The following NRG1 variants were observed in gnomAD, a reference collection of about 807,000 sequenced individuals.
NRG1 encodes the protein neuregulin 1.
NRG1 carries 18 observed loss-of-function variants against 63.8 expected under a neutral mutation model. The ratio of observed to expected loss-of-function variants is 0.28; its 90% CI spans 0.19 to 0.42. The LOEUF (loss-of-function observed/expected upper bound fraction) is 0.42. Among genes scored for constraint, NRG1 ranks in the 10% least tolerant of loss-of-function variants. The pLI is 1.00. For missense variants in NRG1, 762 were observed against 814.7 expected, an observed-to-expected ratio of 0.94 and a Z score of 0.79; for synonymous variants, 302 against 301.3, an observed-to-expected ratio of 1.00 and a Z score of -0.02.
intron 5 of NRG1, among the ~76,000 whole-genome samples, chr8:32,637,803 T>C (rs973244752): frequency 6.6e-6 from 1 of 152,206 alleles, no homozygotes; most frequent in Non-Finnish European, 1.5e-5. Context: ...GTGTGCTCCC[T>C]TAGTTTGACA....
chr8:32,000,352 C>A (rs1812719185), intron 1 of NRG1, among the ~76,000 whole-genome samples: 1 of 151,846 alleles, frequency 6.6e-6, no homozygotes, highest in Admixed American at 6.6e-5. Flanking sequence ...GAAATAGAAC[C>A]TCAACATCTT....
intron 1 of NRG1, among the ~76,000 whole-genome samples, chr8:32,436,980 A>G (rs1243656747): frequency 3.3e-5 from 5 of 151,876 alleles, no homozygotes; most frequent in African/African-American, 1.2e-4. Flanking sequence ...AACTCTCCCA[A>G]TGTTTCCTGG....
chr8:31,997,826 T>A (rs372482246), intron 1 of NRG1, among the ~76,000 whole-genome samples: 8 of 152,014 alleles, frequency 5.3e-5, no homozygotes, highest in African/African-American at 1.9e-4. Flanking sequence ...TGTTACCTAA[T>A]TCAATCCTTG....
intron 1 of NRG1, among the ~76,000 whole-genome samples, chr8:32,131,404 A>G (rs892609337): frequency 1.3e-5 from 2 of 151,994 alleles, no homozygotes; most frequent in African/African-American, 2.4e-5. Context: ...TTTAAACTGC[A>G]GGGCAGAGAG....
intron 5 of NRG1, among the ~76,000 whole-genome samples, chr8:32,619,396 C>T (rs556751298): frequency 6.6e-6 from 1 of 152,230 alleles, no homozygotes; most frequent in East Asian, 1.9e-4. Context: ...ATGAGGGCCA[C>T]AGACCCTGGG....
At chr8:32,491,618 A>T (rs1826566979) in intron 1 of NRG1, among the ~76,000 whole-genome samples, 1 of 152,114 alleles carries the variant, frequency 6.6e-6, no homozygotes, top group Non-Finnish European at 1.5e-5. Flanking sequence ...TCTGGCTTAG[A>T]ATGGCTCCCC....
At chr8:32,511,339 G>A (rs987196463) in intron 1 of NRG1, among the ~76,000 whole-genome samples, 1 of 143,012 alleles carries the variant, frequency 7.0e-6, no homozygotes, top group African/African-American at 2.6e-5. Flanking sequence ...ATATGTGTGT[G>A]TGTGTGTCTG....
intron 1 of NRG1, among the ~76,000 whole-genome samples, chr8:31,727,408 C>G (rs570829090): frequency 6.6e-6 from 1 of 152,108 alleles, no homozygotes; most frequent in Non-Finnish European, 1.5e-5. Context: ...AATTTCTCAT[C>G]GTTCTGTGAT....
chr8:32,098,823 G>C (rs934277546), intron 1 of NRG1: 1 of 152,154 alleles, frequency 6.6e-6, no homozygotes, highest in Non-Finnish European at 1.5e-5. Context: ...TAGCACTGGG[G>C]CACAAAACCC....
intron 5 of NRG1, among the ~76,000 whole-genome samples, chr8:32,650,232 G>C (rs539143741): frequency 4.0e-5 from 6 of 151,640 alleles, no homozygotes; most frequent in Non-Finnish European, 5.9e-5. Context: ...TTTTCCCCAA[G>C]CCAGGGCATT....
rs574455025 is a variant in NRG1 at position 32,668,518 on chromosome 8, C to T, written c.502+51633C>T. On this transcript the variant is annotated intron_variant, in intron 5 of 11. Transcript: ENST00000356819. ...ATGAAGGCTCTTACTAGGGAGACTT[C>T]TGAGTTACTAGTTTCACCACACAGC... Among the ~76,000 whole-genome samples the T allele has an allele frequency of 1.2e-4, 19 of 152,280 alleles. No individual in the cohort carries two copies. The South Asian group carries it at 3.9e-3, about 32-fold the overall frequency.
intron 1 of NRG1, among the ~76,000 whole-genome samples, chr8:32,433,314 G>T (rs940354713): frequency 6.6e-6 from 1 of 152,138 alleles, no homozygotes; most frequent in Non-Finnish European, 1.5e-5. Flanking sequence ...TAGCAAAGAG[G>T]TGACAGAATC....
chr8:32,637,404 G>A (rs1563821940), intron 5 of NRG1, among the ~76,000 whole-genome samples: 1 of 152,088 alleles, frequency 6.6e-6, no homozygotes. Context: ...TATTTGGACC[G>A]AGGGTTTTCT....
intron 1 of NRG1, among the ~76,000 whole-genome samples, chr8:32,245,756 G>A (rs983877674): frequency 6.6e-5 from 10 of 152,080 alleles, no homozygotes; most frequent in African/African-American, 2.4e-4. Context: ...TCACTACATA[G>A]GGTTTCTTAT....
At chr8:32,692,848 G>A (rs936223151) in intron 5 of NRG1, among the ~76,000 whole-genome samples, 8 of 152,086 alleles carry the variant, frequency 5.3e-5, no homozygotes, top group South Asian at 2.1e-4. Context: ...CTTCTCTACC[G>A]CCACTCCTTC....
intron 1 of NRG1, among the ~76,000 whole-genome samples, chr8:31,829,287 C>T (rs1824878046): frequency 6.6e-6 from 1 of 152,212 alleles, no homozygotes; most frequent in South Asian, 2.1e-4. Context: ...GAGAGATTCA[C>T]TTCTGGCACC....
intron 1 of NRG1, among the ~76,000 whole-genome samples, chr8:32,274,444 G>A (rs902019330): frequency 6.6e-6 from 1 of 152,210 alleles, no homozygotes; most frequent in South Asian, 2.1e-4. Context: ...GCCTTCAGGA[G>A]ACCCAGGAAT....
At position 32,742,545 on chromosome 8, in the gene NRG1, G is replaced by C. The variant is rs1469496454; in HGVS notation, c.633-130G>C. Reference sequence around the variant, plus strand: ...GCCTGAAAGCCATGATCAGGGCAAAGATTCAGTTCCTGAGGGTGAACTCAC... The same window carrying C: ...GCCTGAAAGCCATGATCAGGGCAAACATTCAGTTCCTGAGGGTGAACTCAC... On this transcript the variant is annotated intron_variant, in intron 6 of 11. Coordinates refer to ENST00000356819, the Ensembl canonical transcript of NRG1. The surrounding 1 kb of genome is among the most constrained non-coding windows in gnomAD (Gnocchi z 4.2). The C allele has an allele frequency of 1.3e-6, 1 of 787,412 alleles. No homozygotes were observed. Among genetic ancestry groups the C allele is most frequent in the Non-Finnish European group, 2.1e-6 (1 of 486,054 alleles). The allele number at this position is 787,412 out of a possible 1,614,324, so 48.8% of individuals were successfully genotyped here.
At chr8:31,893,590 G>C (rs1310186403) in intron 1 of NRG1, among the ~76,000 whole-genome samples, 2 of 151,224 alleles carry the variant, frequency 1.3e-5, no homozygotes, top group East Asian at 1.9e-4. Flanking sequence ...AATCATAAGA[G>C]AAAACAAGAC....
Sources: allele counts gnomAD v4.1 joint callset (sites outside exome capture counted in the v4.1 genomes callset), GRCh38; gene constraint gnomAD v4.1.1; non-coding constraint Gnocchi (gnomAD v3.1); transcripts MANE v1.5; gene names NCBI Gene and HGNC (gene_info 2026-07-23, HGNC 2026-07-21).